Variants in CACNA2D3 observed in about 807,000 individuals in gnomAD.
The protein encoded by CACNA2D3 is voltage-dependent calcium channel subunit alpha-2/delta-3.
Under a neutral mutation model 160.6 loss-of-function variants are expected in CACNA2D3, and 60 were observed. That is an observed-to-expected ratio of 0.37 (90% CI 0.30 to 0.46). The LOEUF is 0.46. Among genes scored for constraint, CACNA2D3 ranks in the 20% least tolerant of loss-of-function variants. The pLI, the probability that CACNA2D3 is intolerant of heterozygous loss-of-function variation, is 1.00. For missense variants in CACNA2D3, 1,205 were observed against 1,365.0 expected, an observed-to-expected ratio of 0.88 and a Z score of 1.85; for synonymous variants, 558 against 492.9, an observed-to-expected ratio of 1.13 and a Z score of -1.75.
At chr3:54,459,861 G>C (rs567853834) in intron 4 of CACNA2D3, among the ~76,000 whole-genome samples, 189 of 152,292 alleles carry the variant, frequency 1.2e-3, no homozygotes, top group African/African-American at 4.4e-3. Flanking sequence ...CCTATGTCCT[G>C]AATGGTAATG....
intron 3 of CACNA2D3, among the ~76,000 whole-genome samples, chr3:54,364,836 C>T (rs891643898): frequency 6.6e-6 from 1 of 152,152 alleles, no homozygotes; most frequent in East Asian, 1.9e-4. Context: ...CAATGAATAA[C>T]CATCAAGTAA....
chr3:54,431,530 G>A lies in CACNA2D3; in HGVS notation c.381+44756G>A, dbSNP rs373184227. 5.3e-5 allele frequency among the ~76,000 whole-genome samples: 8 copies of A among 152,186 alleles called. No homozygotes were observed. In the East Asian group the frequency reaches 1.2e-3, roughly 22 times the overall value. ...GGTGGAAGAAAATCCACATATAAGT[G>A]GACCTGCTCAGTTCAAACCCACGTT... On this transcript the variant is annotated intron_variant, in intron 4 of 37. Coordinates refer to ENST00000474759, the MANE Select transcript of CACNA2D3 (RefSeq NM_018398.3).
intron 13 of CACNA2D3, among the ~76,000 whole-genome samples, chr3:54,803,902 A>G (rs1373585129): frequency 6.6e-6 from 1 of 152,240 alleles, no homozygotes; most frequent in Non-Finnish European, 1.5e-5. Flanking sequence ...GCCAATATTC[A>G]ACATTCTTAA....
chr3:54,840,314 T>A (rs1421023703), intron 16 of CACNA2D3, among the ~76,000 whole-genome samples: 1 of 151,862 alleles, frequency 6.6e-6, no homozygotes, highest in Non-Finnish European at 1.5e-5. Flanking sequence ...AACATTACGG[T>A]CACCCCCATT....
chr3:54,280,655 A>G (rs899648308), intron 2 of CACNA2D3, among the ~76,000 whole-genome samples: 1 of 152,154 alleles, frequency 6.6e-6, no homozygotes, highest in African/African-American at 2.4e-5. Context: ...GCAGCCTCAT[A>G]CAGTTTCCCC....
In CACNA2D3 at chr3:54,468,183, C is replaced by T. The variant is rs368703677; in HGVS notation, c.382-35309C>T. Among the ~76,000 whole-genome samples the T allele has an allele frequency of 8.5e-5, 13 of 152,168 alleles. No individual in the cohort carries two copies. In the East Asian group the frequency reaches 1.9e-3, roughly 23 times the overall value. ...AACAACTCCAGTCTGCAGCCCCCAG[C>T]GAGATCAACGTAGAAGGCGGGTGAT... On this transcript the variant is annotated intron_variant, in intron 4 of 37. Coordinates refer to ENST00000474759, the MANE Select transcript of CACNA2D3 (RefSeq NM_018398.3).
At chr3:54,765,430 G>A (rs1198444288) in intron 13 of CACNA2D3, among the ~76,000 whole-genome samples, 3 of 152,192 alleles carry the variant, frequency 2.0e-5, no homozygotes, top group Non-Finnish European at 4.4e-5. Flanking sequence ...AGGCTTCTCC[G>A]ATGCTAGGGA....
intron 2 of CACNA2D3, among the ~76,000 whole-genome samples, chr3:54,220,013 C>G (rs567065740): frequency 6.6e-6 from 1 of 152,088 alleles, no homozygotes; most frequent in African/African-American, 2.4e-5. Context: ...CTAACTGTGC[C>G]TTTTGAATCT....
At chr3:54,772,494 G>A (rs1464138799) in intron 13 of CACNA2D3, among the ~76,000 whole-genome samples, 1 of 141,206 alleles carries the variant, frequency 7.1e-6, no homozygotes, top group Non-Finnish European at 1.6e-5. Context: ...ACCAATTCTA[G>A]AATCAGAAAC....
chr3:55,018,165 C>A, intron 34 of CACNA2D3, 41 bp from the exon 35 acceptor site: 1 of 1,298,864 alleles, frequency 7.7e-7, no homozygotes, highest in Non-Finnish European at 1.1e-6. Flanking sequence ...TGAGCCTGTG[C>A]CTTGCATTCT....
intron 34 of CACNA2D3, among the ~76,000 whole-genome samples, chr3:55,016,613 A>G (rs1244837263): frequency 6.6e-6 from 1 of 152,248 alleles, no homozygotes; most frequent in Non-Finnish European, 1.5e-5. Context: ...CACTCTGCTA[A>G]GAGCTGTGCA....
At chr3:54,383,985 C>T (rs183623036) in intron 3 of CACNA2D3, among the ~76,000 whole-genome samples, 6 of 151,370 alleles carry the variant, frequency 4.0e-5, no homozygotes, top group African/African-American at 1.2e-4. Flanking sequence ...CATATACATA[C>T]ACACATATGT....
intron 27 of CACNA2D3, among the ~76,000 whole-genome samples, chr3:54,964,683 A>G (rs959179178): frequency 9.9e-5 from 15 of 152,194 alleles, no homozygotes; most frequent in Non-Finnish European, 2.1e-4. Flanking sequence ...AACTAAGGAA[A>G]ATAGTGAAAG....
chr3:54,528,656 G>A (rs764057674), intron 5 of CACNA2D3, among the ~76,000 whole-genome samples: 8 of 152,070 alleles, frequency 5.3e-5, no homozygotes, highest in African/African-American at 1.7e-4. Flanking sequence ...GCAAACACAC[G>A]TTTTTTTATG....
chr3:54,723,972 G>A (rs1701227182), intron 11 of CACNA2D3, among the ~76,000 whole-genome samples: 1 of 152,126 alleles, frequency 6.6e-6, no homozygotes, highest in Admixed American at 6.5e-5. Context: ...GACACAGACT[G>A]GCAAATTGGA....
At chr3:54,297,463 G>A (rs1264790606) in intron 2 of CACNA2D3, among the ~76,000 whole-genome samples, 1 of 150,904 alleles carries the variant, frequency 6.6e-6, no homozygotes, top group African/African-American at 2.4e-5. Context: ...AAAGCGAGTC[G>A]GCATGCAGGG....
intron 13 of CACNA2D3, among the ~76,000 whole-genome samples, chr3:54,779,776 C>T (rs993315448): frequency 6.6e-6 from 1 of 152,188 alleles, no homozygotes; most frequent in Non-Finnish European, 1.5e-5. Flanking sequence ...ATTGCCTTTC[C>T]ATCTCAGGTC....
intron 4 of CACNA2D3, among the ~76,000 whole-genome samples, chr3:54,482,924 C>T (rs1700956971): frequency 6.6e-6 from 1 of 152,182 alleles, no homozygotes; most frequent in Non-Finnish European, 1.5e-5. Flanking sequence ...TTGGCCAAAC[C>T]AGTCACATGC....
At chr3:54,988,639 C>A (rs1486330091) in intron 31 of CACNA2D3, among the ~76,000 whole-genome samples, 2 of 152,234 alleles carry the variant, frequency 1.3e-5, no homozygotes, top group South Asian at 2.1e-4. Flanking sequence ...AGTGGGTAGG[C>A]AGGCCCCTGG....
Sources: allele counts gnomAD v4.1 joint callset (sites outside exome capture counted in the v4.1 genomes callset), GRCh38; gene constraint gnomAD v4.1.1; transcripts MANE v1.5; gene names NCBI Gene and HGNC (gene_info 2026-07-23, HGNC 2026-07-21).